HERC3: variants seen among roughly 807,000 people sequenced by gnomAD.
The protein encoded by HERC3 is probable E3 ubiquitin-protein ligase HERC3.
A neutral mutation model predicts 129.9 loss-of-function variants in HERC3; 58 were observed. The ratio of observed to expected loss-of-function variants is 0.45; its 90% CI spans 0.36 to 0.56. The LOEUF is 0.56. Among genes scored for constraint, HERC3 ranks in the 20% least tolerant of loss-of-function variants. The pLI is 0.00. For synonymous variants in HERC3, 430 were observed against 451.0 expected (o/e 0.95, Z 0.59); for missense variants, 835 against 1,244.2 (o/e 0.67, Z 4.95).
At chr4:88,643,100 A>G (rs1044995789) in intron 3 of HERC3, among the ~76,000 whole-genome samples, 4 of 152,252 alleles carry the variant, frequency 2.6e-5, no homozygotes, top group Non-Finnish European at 5.9e-5. Context: ...TATTAACGAT[A>G]TGCAATTGGA....
At chr4:88,669,691 G>A (rs1415336468) in intron 14 of HERC3, among the ~76,000 whole-genome samples, 169 bp from the exon 15 acceptor site, 2 of 152,106 alleles carry the variant, frequency 1.3e-5, no homozygotes, top group South Asian at 4.1e-4. Flanking sequence ...TACAGCTGTT[G>A]TTCTCCCCAA....
intron 3 of HERC3, among the ~76,000 whole-genome samples, chr4:88,607,566 A>C (rs758443197): frequency 6.6e-6 from 1 of 152,018 alleles, no homozygotes; most frequent in Non-Finnish European, 1.5e-5. Flanking sequence ...CAGGCTGCAG[A>C]TATCCTCTCA....
chr4:88,618,651 T>C (rs1452012547), intron 3 of HERC3, among the ~76,000 whole-genome samples: 1 of 152,126 alleles, frequency 6.6e-6, no homozygotes, highest in African/African-American at 2.4e-5. Flanking sequence ...TCACTGGACG[T>C]AGGTTGAGTG....
chr4:88,642,185 C>T (rs964040054), intron 3 of HERC3, among the ~76,000 whole-genome samples: 4 of 149,474 alleles, frequency 2.7e-5, no homozygotes, highest in South Asian at 2.1e-4. Context: ...TCCAGACTCA[C>T]GTGGTTTCTC....
intron 3 of HERC3, among the ~76,000 whole-genome samples, chr4:88,629,572 A>T (rs1253116909): frequency 6.6e-6 from 1 of 152,228 alleles, no homozygotes; most frequent in East Asian, 1.9e-4. Context: ...TACAACTGCT[A>T]GATCAAAAGA....
chr4:88,602,408 A>G (rs1020097363), intron 2 of HERC3, among the ~76,000 whole-genome samples: 1 of 150,754 alleles, frequency 6.6e-6, no homozygotes, highest in Non-Finnish European at 1.5e-5. Flanking sequence ...TCTCCAAAAA[A>G]AAAAAAAAAA....
intron 9 of HERC3, chr4:88,656,298 A>T (rs1199019152): frequency 2.3e-6 from 1 of 439,546 alleles, no homozygotes; most frequent in African/African-American, 2.2e-5. Flanking sequence ...GTGATTTATG[A>T]AGAAAAGAGT....
the HERC3 span, among the ~76,000 whole-genome samples, chr4:88,542,096 T>A: frequency 5.9e-5 from 9 of 151,752 alleles, no homozygotes; most frequent in African/African-American, 1.2e-4. Context: ...TAACTAAGAT[T>A]GGAGCAGAAC....
chr4:88,609,347 T>C (rs1724037808), intron 3 of HERC3, among the ~76,000 whole-genome samples: 1 of 152,214 alleles, frequency 6.6e-6, no homozygotes, highest in Non-Finnish European at 1.5e-5. Flanking sequence ...ATGGGGATTA[T>C]AATACTCTTT....
chr4:88,666,089 G>C (rs1731020055), intron 12 of HERC3, among the ~76,000 whole-genome samples: 1 of 152,196 alleles, frequency 6.6e-6, no homozygotes, highest in Admixed American at 6.5e-5. Context: ...ATAGTACCAA[G>C]GTTGAGAAAC....
In HERC3 at chr4:88,667,384, G is replaced by T; in HGVS notation, c.1339G>T (p.Glu447Ter). 1.3e-6 allele frequency: 2 copies of T among 1,582,502 alleles called. No individual in the cohort carries two copies. The highest frequency in any genetic ancestry group is 2.3e-5 in the South Asian group (2 of 87,254). The change falls in exon 13 of 26, where the codon GAA (glutamate) becomes TAA (stop). Residue 447 changes from glutamate (E) to a stop codon, truncating the protein, a stop_gained. Coordinates refer to ENST00000402738, the MANE Select transcript of HERC3 (RefSeq NM_014606.3). LOFTEE classifies it high-confidence loss of function. Reference protein sequence around the residue: ...NGSFLEKKIDEHFKTSPKIPG... With the variant: ...NGSFLEKKID ...TTGATTTTGTTTGTTTAGAATTGAT[G>T]AACATTTTAAAACGAGTCCCAAAAT...
intron 6 of HERC3, among the ~76,000 whole-genome samples, chr4:88,653,503 G>T (rs145397425): frequency 2.2e-3 from 335 of 152,318 alleles, no homozygotes; most frequent in African/African-American, 7.0e-3. Context: ...ACAGCTGCAG[G>T]TCAGAGAAGT....
intron 3 of HERC3, among the ~76,000 whole-genome samples, chr4:88,610,735 T>C (rs1053389852): frequency 6.6e-6 from 1 of 152,142 alleles, no homozygotes; most frequent in African/African-American, 2.4e-5. Context: ...GGGTAGCAGC[T>C]GGGAAAGGAA....
At chr4:88,560,572 A>G in the HERC3 span, among the ~76,000 whole-genome samples, 9 of 152,170 alleles carry the variant, frequency 5.9e-5, no homozygotes, top group Non-Finnish European at 1.2e-4. Flanking sequence ...TTTGCTGTGC[A>G]GAAACTTTTT....
At chr4:88,656,190 A>G (rs1729877515) in intron 9 of HERC3, 155 bp downstream of exon 9, 4 of 689,164 alleles carry the variant, frequency 5.8e-6, no homozygotes, top group South Asian at 4.0e-5. Context: ...CTTACTATGC[A>G]TGAAGCTGTA....
At position 88,678,065 on chromosome 4, in the gene HERC3, C is replaced by T. The variant is rs982497667; in HGVS notation, c.2127C>T (p.Asn709=). The change falls in exon 19 of 26, where the codon AAC becomes AAT. Residue 709 remains asparagine, a synonymous_variant. Transcript: ENST00000402738. The stretch of plus-strand genomic sequence containing the variant: ...TCCTGGTCCTTCACGTTCGCAGGAA[C>T]AACCTTGTTGGAGATGCCCTAAGAG... ...SPFLVLHVRR[N]NLVGDALREL... The T allele has an allele frequency of 7.4e-6, 12 of 1,614,060 alleles. No individual in the cohort carries two copies. Among genetic ancestry groups the T allele is most frequent in the South Asian group, 1.1e-5 (1 of 91,084 alleles).
chr4:88,554,586 AG>A, the HERC3 span, among the ~76,000 whole-genome samples: 2 of 152,216 alleles, frequency 1.3e-5, no homozygotes, highest in African/African-American at 4.8e-5. Context: ...ATTTGATTAA[AG>A]CTTCTCAGCT....
chr4:88,582,547 T>C, the HERC3 span, among the ~76,000 whole-genome samples: 2 of 152,178 alleles, frequency 1.3e-5, no homozygotes, highest in Non-Finnish European at 2.9e-5. Context: ...GGGAAGTTCT[T>C]TTAAAAGAAA....
intron 3 of HERC3, among the ~76,000 whole-genome samples, chr4:88,626,935 T>G (rs1726165206): frequency 6.6e-6 from 1 of 152,164 alleles, no homozygotes; most frequent in African/African-American, 2.4e-5. Context: ...TTCTGTTCAC[T>G]TTGTGTTTAA....
Sources: allele counts gnomAD v4.1 joint callset (sites outside exome capture counted in the v4.1 genomes callset), GRCh38; gene constraint gnomAD v4.1.1; transcripts MANE v1.5; gene names NCBI Gene and HGNC (gene_info 2026-07-23, HGNC 2026-07-21).